Variants in FSTL5 observed in about 807,000 individuals in gnomAD.
FSTL5 encodes follistatin like 5, also known as follistatin-related protein 5.
In FSTL5, 62 loss-of-function variants were observed where a neutral mutation model predicts 89.1. The observed-to-expected ratio is 0.70, with a 90% CI of 0.57 to 0.86. The LOEUF is 0.86. Among genes scored for constraint, FSTL5 ranks in the 40% least tolerant of loss-of-function variants. The pLI is 0.00. For synonymous variants in FSTL5, 383 were observed against 346.2 expected, an observed-to-expected ratio of 1.11 and a Z score of -1.18; for missense variants, 1,057 against 1,001.6, an observed-to-expected ratio of 1.06 and a Z score of -0.75.
chr4:161,775,978 T>A lies in FSTL5; in HGVS notation c.506A>T (p.Asn169Ile). 1 of 1,603,990 alleles carries A rather than the reference T, an allele frequency of 6.2e-7. No individual in the cohort carries two copies. Among genetic ancestry groups the A allele is most frequent in the Non-Finnish European group, 8.5e-7 (1 of 1,173,386 alleles). The change falls in exon 5 of 16, where the codon AAT becomes ATT. Residue 169 changes from asparagine to isoleucine, a missense_variant. By Grantham distance (149) the Asn-to-Ile change is moderately radical (BLOSUM62 -3). Coordinates refer to ENST00000306100, the MANE Select transcript of FSTL5 (RefSeq NM_020116.5). The part of the protein sequence containing the change: ...KYIMQENENP[N>I]GDDISRKKLL... Reference sequence around the variant, plus strand: ...CTTCTTCCGAGATATGTCGTCGCCATTAGGATTTTCATTTTCTTGCATAAT... The same window carrying A: ...CTTCTTCCGAGATATGTCGTCGCCAATAGGATTTTCATTTTCTTGCATAAT...
intron 4 of FSTL5, among the ~76,000 whole-genome samples, chr4:161,859,441 C>G (rs1284891571): frequency 6.6e-6 from 1 of 152,138 alleles, no homozygotes; most frequent in Non-Finnish European, 1.5e-5. Context: ...TTTCCAGTTT[C>G]TTCATTTGGT....
At position 161,599,382 on chromosome 4, in the gene FSTL5, A is replaced by C. The variant is rs183359633; in HGVS notation, c.895-11807T>G. On this transcript the variant is annotated intron_variant, in intron 7 of 15. Transcript: ENST00000306100. ...TGGCAAAACCAATCTGTAAAATATA[A>C]ACTCAAATATGAGCATATTCTAAAA... Among the ~76,000 whole-genome samples, 517 of 152,242 alleles carry C rather than the reference A, an allele frequency of 3.4e-3. 4 individuals carry two copies. Among genetic ancestry groups the C allele is most frequent in the Non-Finnish European group, 5.8e-3 (392 of 68,014 alleles).
chr4:161,745,618 C>G (rs1402067627), intron 6 of FSTL5, among the ~76,000 whole-genome samples: 3 of 151,630 alleles, frequency 2.0e-5, no homozygotes, highest in Non-Finnish European at 2.9e-5. Flanking sequence ...TTTGATGGGG[C>G]TCCACAAAAA....
intron 4 of FSTL5, among the ~76,000 whole-genome samples, chr4:161,782,139 T>G (rs888873315): frequency 6.6e-6 from 1 of 152,206 alleles, no homozygotes; most frequent in African/African-American, 2.4e-5. Flanking sequence ...TCCATTCACC[T>G]GTTGAAGGGC....
intron 4 of FSTL5, among the ~76,000 whole-genome samples, chr4:161,798,047 T>A (rs900005607): frequency 1.3e-5 from 2 of 151,682 alleles, no homozygotes; most frequent in African/African-American, 4.8e-5. Flanking sequence ...CTGAGTGTCT[T>A]CAATATATTA....
intron 15 of FSTL5, among the ~76,000 whole-genome samples, chr4:161,403,019 C>T (rs28701917): frequency 0.014 from 2,125 of 151,946 alleles, 30 homozygotes; most frequent in East Asian, 0.059. Flanking sequence ...TTAGTAGAGA[C>T]GGGGTTTCAC....
intron 15 of FSTL5, among the ~76,000 whole-genome samples, chr4:161,437,444 T>G (rs374528594): frequency 3.8e-4 from 58 of 151,062 alleles, no homozygotes; most frequent in African/African-American, 3.9e-4. Context: ...GCGGGCGCCT[T>G]TAGTCCCAGC....
At chr4:161,557,117 A>G (rs1025375211) in intron 8 of FSTL5, among the ~76,000 whole-genome samples, 4 of 151,416 alleles carry the variant, frequency 2.6e-5, no homozygotes, top group Non-Finnish European at 5.9e-5. Flanking sequence ...CTCTTAAATA[A>G]AGCAATAGTA....
At chr4:161,593,071 G>A (rs1733885717) in intron 7 of FSTL5, among the ~76,000 whole-genome samples, 1 of 151,978 alleles carries the variant, frequency 6.6e-6, no homozygotes, top group Admixed American at 6.6e-5. Flanking sequence ...TTTGGGTTTA[G>A]AATTTTTCAT....
intron 3 of FSTL5, among the ~76,000 whole-genome samples, chr4:161,922,495 A>G (rs984247996): frequency 6.6e-6 from 1 of 151,948 alleles, no homozygotes; most frequent in Non-Finnish European, 1.5e-5. Context: ...CATGCTTACA[A>G]TCACCCAGAG....
chr4:161,434,582 A>G (rs967927912), intron 15 of FSTL5, among the ~76,000 whole-genome samples: 1 of 152,090 alleles, frequency 6.6e-6, no homozygotes, highest in Admixed American at 6.5e-5. Flanking sequence ...GATCACATCA[A>G]ATTAAAAAGC....
chr4:161,626,356 A>G (rs983201993), intron 7 of FSTL5, among the ~76,000 whole-genome samples: 1 of 152,170 alleles, frequency 6.6e-6, no homozygotes, highest in Non-Finnish European at 1.5e-5. Flanking sequence ...AGGCCCTAAG[A>G]ATTATTCTAA....
chr4:161,812,614 G>T (rs1730189133), intron 4 of FSTL5, among the ~76,000 whole-genome samples: 1 of 151,944 alleles, frequency 6.6e-6, no homozygotes, highest in South Asian at 2.1e-4. Flanking sequence ...AGTAGTGTTT[G>T]GCACATAGGA....
intron 4 of FSTL5, among the ~76,000 whole-genome samples, chr4:161,917,098 G>A (rs896518129): frequency 3.1e-4 from 47 of 152,010 alleles, no homozygotes; most frequent in Admixed American, 7.9e-4. Context: ...GATTACAGGC[G>A]TCTGCCACCA....
intron 6 of FSTL5, among the ~76,000 whole-genome samples, chr4:161,735,691 T>C (rs1560816808): frequency 6.6e-6 from 1 of 152,140 alleles, no homozygotes; most frequent in Non-Finnish European, 1.5e-5. Flanking sequence ...CATATATAAC[T>C]TCAGTAAAAA....
At chr4:161,851,874 C>A (rs1164788472) in intron 4 of FSTL5, among the ~76,000 whole-genome samples, 5 of 139,436 alleles carry the variant, frequency 3.6e-5, no homozygotes, top group African/African-American at 1.4e-4. Context: ...TAAAGGAAAA[C>A]CCAATTGATC....
chr4:161,840,356 A>T (rs1415002244), intron 4 of FSTL5, among the ~76,000 whole-genome samples: 2 of 152,224 alleles, frequency 1.3e-5, no homozygotes, highest in African/African-American at 2.4e-5. Flanking sequence ...GACTTGAGAA[A>T]AATTTAGAAG....
At chr4:161,553,063 G>T (rs1578919867) in intron 8 of FSTL5, among the ~76,000 whole-genome samples, 1 of 151,628 alleles carries the variant, frequency 6.6e-6, no homozygotes, top group Non-Finnish European at 1.5e-5. Flanking sequence ...GGACTACCAT[G>T]AAAAGCTTTA....
At chr4:161,630,659 A>G (rs987874179) in intron 7 of FSTL5, among the ~76,000 whole-genome samples, 1 of 152,210 alleles carries the variant, frequency 6.6e-6, no homozygotes, top group Admixed American at 6.5e-5. Context: ...ATGAATAATA[A>G]ATATTATGAC....
Sources: allele counts gnomAD v4.1 joint callset (sites outside exome capture counted in the v4.1 genomes callset), GRCh38; gene constraint gnomAD v4.1.1; transcripts MANE v1.5; gene names NCBI Gene and HGNC (gene_info 2026-07-23, HGNC 2026-07-21).